The following RPL13A variants were observed in gnomAD, a reference collection of about 807,000 sequenced individuals.
RPL13A encodes the protein large ribosomal subunit protein uL13.
In RPL13A, 4 loss-of-function variants were observed where a neutral mutation model predicts 30.8. The observed-to-expected ratio is 0.13, with a 90% CI of 0.06 to 0.30. The LOEUF (loss-of-function observed/expected upper bound fraction) is 0.30, where lower values mean the gene tolerates loss of function less well. RPL13A is among the 10% of genes least tolerant of loss of function. The pLI is 1.00. For missense variants in RPL13A, 196 were observed against 272.6 expected (o/e 0.72, Z 1.98); for synonymous variants, 108 against 104.2 (o/e 1.04, Z -0.22).
chr19:49,491,708 A>C (rs752153366), intron 7 of RPL13A, 21 bp from the exon 8 acceptor site: 1 of 1,610,006 alleles, frequency 6.2e-7, no homozygotes, highest in East Asian at 2.2e-5. Context: ...GACCACCACC[A>C]CCTGCACTTA....
In RPL13A at chr19:49,488,053, G is replaced by C. The variant is rs200696817; in HGVS notation, c.15+409G>C. Among the ~76,000 whole-genome samples the C allele has an allele frequency of 3.3e-5, 5 of 152,290 alleles. No individual in the cohort carries two copies. In the East Asian group the frequency reaches 9.6e-4, roughly 29 times the overall value. ...TGAGAAACTGAGTTTTGGCCAAAAT[G>C]GAAGGTATTTTTATCCCGCTCAGTG... On this transcript the variant is annotated intron_variant, in intron 1 of 7. Transcript: ENST00000391857.
chr19:49,491,381 T>G lies in RPL13A; in HGVS notation c.403-44T>G. On this transcript the variant is annotated intron_variant, in intron 6 of 7. Coordinates refer to ENST00000391857, the MANE Select transcript of RPL13A (RefSeq NM_012423.4). ...TCTTCAGGGTGTGGGGGCTTAGATA[T>G]CCTTACAACTTCATTTGTTCACCCC... 4 of 1,266,212 alleles carry G rather than the reference T, an allele frequency of 3.2e-6. No homozygotes were observed. In the South Asian group the frequency reaches 3.7e-5, roughly 12 times the overall value. The allele number at this position is 1,266,212 out of a possible 1,614,324, so 78.4% of individuals were successfully genotyped here.
At position 49,491,721 on chromosome 19, in the gene RPL13A, C is replaced by G. The variant is rs747262908; in HGVS notation, c.526-8C>G. The G allele has an allele frequency of 2.5e-6, 4 of 1,612,984 alleles. No individual in the cohort carries two copies. The highest frequency in any genetic ancestry group is 4.5e-5 in the East Asian group (2 of 44,872). On this transcript the variant is annotated splice_polypyrimidine_tract_variant and splice_region_variant and intron_variant, in intron 7 of 7. Coordinates refer to ENST00000391857, the MANE Select transcript of RPL13A (RefSeq NM_012423.4). ...CTGACCACCACCACCTGCACTTATT[C>G]TTGGCAGAGGCTACGGAAACAGGCC...
At chr19:49,489,600 C>G (rs987875234) in intron 1 of RPL13A, among the ~76,000 whole-genome samples, 1 of 152,214 alleles carries the variant, frequency 6.6e-6, no homozygotes, top group Non-Finnish European at 1.5e-5. Flanking sequence ...ATAAAATACT[C>G]ATAGAAGAAC....
rs752147987 is a variant in RPL13A at position 49,487,657 on chromosome 19, C to T, written c.15+13C>T. ...GGCGGAGGTGCAGGTATGGGCTCCG[C>T]GCGGGCCGGGGCGGCAAGGGGCCGG... On this transcript the variant is annotated intron_variant, in intron 1 of 7. Transcript: ENST00000391857. 3.9e-6 allele frequency: 6 copies of T among 1,540,188 alleles called. No individual in the cohort carries two copies. Among genetic ancestry groups the T allele is most frequent in the African/African-American group, 1.4e-5 (1 of 71,058 alleles).
At chr19:49,489,664 G>A (rs1214205631) in intron 1 of RPL13A, among the ~76,000 whole-genome samples, 186 bp from the exon 2 acceptor site, 3 of 152,238 alleles carry the variant, frequency 2.0e-5, no homozygotes, top group Non-Finnish European at 4.4e-5. Context: ...TGATCCTGAG[G>A]CAGCCTTGCT....
intron 1 of RPL13A, 73 bp downstream of exon 1, chr19:49,487,717 C>T: frequency 7.1e-7 from 1 of 1,410,404 alleles, no homozygotes; most frequent in Non-Finnish European, 9.4e-7. Context: ...CGCACCCTCT[C>T]TGTCTTGCAT....
chr19:49,491,690 C>A (rs763452878), intron 7 of RPL13A, 39 bp from the exon 8 acceptor site: 21 of 1,595,618 alleles, frequency 1.3e-5, no homozygotes, highest in African/African-American at 4.0e-5. Flanking sequence ...GGCAATGCAA[C>A]CCCTCCTGAC....
At chr19:49,490,983 G>A (rs200408647) in intron 5 of RPL13A, 57 bp from the exon 6 acceptor site, 125 of 1,609,246 alleles carry the variant, frequency 7.8e-5, no homozygotes, top group Admixed American at 1.3e-4. Flanking sequence ...CAGTCCAGCC[G>A]ACCTCCTTCC....
At chr19:49,487,823 G>A (rs924358048) in intron 1 of RPL13A, among the ~76,000 whole-genome samples, 179 bp downstream of exon 1, 2 of 152,210 alleles carry the variant, frequency 1.3e-5, no homozygotes, top group African/African-American at 4.8e-5. Flanking sequence ...TTAGGCCTAG[G>A]GTTGGCTACA....
At chr19:49,491,402 A>ACCCCTCCCCCC in intron 6 of RPL13A, 23 bp from the exon 7 acceptor site, 3 of 236,632 alleles carry the variant, frequency 1.3e-5, no homozygotes, top group South Asian at 3.5e-5. Context: ...TCATTTGTTC[A>ACCCCTCCCCCC]CCCCCCCCCC....
chr19:49,488,672 T>C (rs2079833753), intron 1 of RPL13A, among the ~76,000 whole-genome samples: 1 of 152,266 alleles, frequency 6.6e-6, no homozygotes, highest in Non-Finnish European at 1.5e-5. Context: ...CAGTGTGTGC[T>C]TCATGCTTTT....
In RPL13A at chr19:49,487,640, T is replaced by C. The variant is rs973660731; in HGVS notation, c.11T>C (p.Val4Ala). 5.7e-6 allele frequency: 9 copies of C among 1,570,010 alleles called. No individual in the cohort carries two copies. The highest frequency in any genetic ancestry group is 3.8e-5 in the Admixed American group (2 of 52,642). ...AAGCGGCTGCCGAAGATGGCGGAGG[T>C]GCAGGTATGGGCTCCGCGCGGGCCG... The part of the protein sequence containing the change: MAE[V>A]QVLVLDGRGH... The change falls in exon 1 of 8, where the codon GTG (valine) becomes GCG (alanine). Residue 4 changes from valine (V) to alanine (A), a missense_variant. By Grantham distance (64) the Val-to-Ala change is moderately conservative. Transcript: ENST00000391857.
At chr19:49,490,376 T>A (rs2079853299) in intron 3 of RPL13A, 79 bp downstream of exon 3, 2 of 1,588,288 alleles carry the variant, frequency 1.3e-6, no homozygotes, top group Admixed American at 1.7e-5. Flanking sequence ...TGCAGCCGTG[T>A]TGGGAGAGGC....
Position 49,491,493 on chromosome 19 carries a change from G to A in RPL13A, c.471G>A (p.Glu157=). The A allele has an allele frequency of 6.6e-7, 1 of 1,510,422 alleles. No homozygotes were observed. The highest frequency in any genetic ancestry group is 1.2e-5 in the South Asian group (1 of 84,322). The allele number at this position is 1,510,422 out of a possible 1,614,324, so 93.6% of individuals were successfully genotyped here. A position where few individuals can be genotyped will look rare whatever the true frequency, so the allele number is the denominator to read the frequency against. ...WKYQAVTATL[E]EKRKEKAKIH... Reference sequence around the variant, plus strand: ...ACCAGGCAGTGACAGCCACCCTGGAGGAGAAGAGGAAAGAGAAAGCCAAGA... The same window carrying A: ...ACCAGGCAGTGACAGCCACCCTGGAAGAGAAGAGGAAAGAGAAAGCCAAGA... The change falls in exon 7 of 8, where the codon GAG becomes GAA. Residue 157 remains glutamate (E), a synonymous_variant. Coordinates refer to ENST00000391857, the MANE Select transcript of RPL13A (RefSeq NM_012423.4).
intron 6 of RPL13A, 24 bp from the exon 7 acceptor site, chr19:49,491,401 C>CGGGGGGGGGGG: frequency 2.2e-6 from 1 of 455,160 alleles, no homozygotes; most frequent in Non-Finnish European, 3.3e-6. Flanking sequence ...TTCATTTGTT[C>CGGGGGGGGGGG]ACCCCCCCCC....
At position 49,491,595 on chromosome 19, in the gene RPL13A, G is replaced by T. The variant is rs768849278; in HGVS notation, c.525+48G>T. 5 of 1,555,384 alleles carry T rather than the reference G, an allele frequency of 3.2e-6. No individual in the cohort carries two copies. In the East Asian group the frequency reaches 9.5e-5, roughly 30 times the overall value. On this transcript the variant is annotated intron_variant, in intron 7 of 7. Coordinates refer to ENST00000391857, the MANE Select transcript of RPL13A (RefSeq NM_012423.4). ...AGGGGGGCATCTCACTCCTGGACAG[G>T]CCTGGCAGGTGCCTTGCTCACAGAG...
Position 49,490,780 on chromosome 19 carries a change from T to C in RPL13A, c.258T>C (p.Gly86=), listed in dbSNP as rs772903495. 7 of 1,614,118 alleles carry C rather than the reference T, an allele frequency of 4.3e-6. No individual in the cohort carries two copies. The highest frequency in any genetic ancestry group is 4.2e-6 in the Non-Finnish European group (5 of 1,180,026). Reference sequence around the variant, plus strand: ...GGCCTGCTATCTGTCACCCAACAGGTATGCTGCCCCACAAAACCAAGCGAG... The same window carrying C: ...GGCCTGCTATCTGTCACCCAACAGGCATGCTGCCCCACAAAACCAAGCGAG... ...PSRIFWRTVR[G]MLPHKTKRGQ... Residue 86 remains glycine, a splice_region_variant and synonymous_variant, in exon 5 of 8, where the codon GGT becomes GGC. Transcript: ENST00000391857.
chr19:49,490,522 C>A lies in RPL13A; in HGVS notation c.202C>A (p.Arg68=), dbSNP rs762115641. Residue 68 remains arginine, a synonymous_variant, in exon 4 of 8, where the codon CGA becomes AGA. Coordinates refer to ENST00000391857, the MANE Select transcript of RPL13A (RefSeq NM_012423.4). ...CAAGCGGATGAACACCAACCCTTCCCGAGGCCCCTACCACTTCCGGGCCCC... is the reference window on the plus strand; with the variant it reads ...CAAGCGGATGAACACCAACCCTTCCAGAGGCCCCTACCACTTCCGGGCCCC... ...LRKRMNTNPS[R]GPYHFRAPSR... The A allele has an allele frequency of 1.9e-6, 3 of 1,614,182 alleles. No homozygotes were observed. The highest frequency in any genetic ancestry group is 2.5e-6 in the Non-Finnish European group (3 of 1,180,040).
Sources: allele counts gnomAD v4.1 joint callset (sites outside exome capture counted in the v4.1 genomes callset), GRCh38; gene constraint gnomAD v4.1.1; transcripts MANE v1.5; gene names NCBI Gene and HGNC (gene_info 2026-07-23, HGNC 2026-07-21).